Variants in USP54 observed in about 807,000 individuals in gnomAD.
The protein encoded by USP54 is ubiquitin specific peptidase 54, also known as ubiquitin carboxyl-terminal hydrolase 54.
In USP54, 87 loss-of-function variants were observed where a neutral mutation model predicts 170.5. The observed-to-expected ratio is 0.51, with a 90% CI of 0.43 to 0.61. The LOEUF (loss-of-function observed/expected upper bound fraction) is 0.61. Ranked by LOEUF, USP54 falls within the 20% of genes least tolerant of loss-of-function variation. The probability of loss-of-function intolerance (pLI) is 0.00; values close to 1 mark genes in which losing one functional copy is unlikely to be tolerated. For synonymous variants in USP54, 655 were observed against 742.8 expected, an observed-to-expected ratio of 0.88 and a Z score of 1.92; for missense variants, 1,786 against 2,047.8, an observed-to-expected ratio of 0.87 and a Z score of 2.47.
In USP54 at chr10:73,603,929, C is replaced by T. The variant is rs143310936; in HGVS notation, c.-18+21638G>A. Among the ~76,000 whole-genome samples, 39 of 151,940 alleles carry T rather than the reference C, an allele frequency of 2.6e-4. No homozygotes were observed. In the East Asian group the frequency reaches 7.6e-3, roughly 29 times the overall value. The stretch of plus-strand genomic sequence containing the variant: ...AAATCAAAACCACAGTGAGATATCA[C>T]CTCACACTTATTAGGATGGCTACTA... On this transcript the variant is annotated intron_variant, in intron 1 of 22. Coordinates refer to the USP54 transcript ENST00000339859.
At chr10:73,553,297 C>T (rs2070051326) in intron 4 of USP54, 1 of 152,276 alleles carries the variant, frequency 6.6e-6, no homozygotes, top group African/African-American at 2.4e-5. Context: ...CTTCTTTATT[C>T]TCTTATTTTA....
rs534611756 is a variant in USP54 at position 73,536,114 on chromosome 10, T to C, written c.1144+155A>G. The stretch of plus-strand genomic sequence containing the variant: ...GAAGGAAATAAAGGCTGGCCCAAGT[T>C]AGGCTTCAGCACAAATTGGCACTTC... On this transcript the variant is annotated intron_variant, in intron 11 of 23. Coordinates refer to ENST00000687698, the MANE Select transcript of USP54 (RefSeq NM_001391956.1). The C allele has an allele frequency of 5.8e-6, 6 of 1,030,454 alleles. No homozygotes were observed. The African/African-American group carries it at 9.5e-5, about 16-fold the overall frequency. The allele number at this position is 1,030,454 out of a possible 1,614,324, so 63.8% of individuals were successfully genotyped here.
At chr10:73,584,185 C>T (rs1017969790) in intron 1 of USP54, among the ~76,000 whole-genome samples, 2 of 152,106 alleles carry the variant, frequency 1.3e-5, no homozygotes, top group Admixed American at 1.3e-4. Flanking sequence ...GTCAGGAGCT[C>T]GAGACCAGTC....
intron 12 of USP54, among the ~76,000 whole-genome samples, chr10:73,531,575 C>A (rs2063972392): frequency 1.3e-5 from 2 of 152,172 alleles, no homozygotes; most frequent in South Asian, 4.1e-4. Context: ...CTGGTATTAT[C>A]CTGGATACTC....
At chr10:73,509,439 C>A (rs113069685) in intron 20 of USP54, among the ~76,000 whole-genome samples, 2,842 of 106,606 alleles carry the variant, frequency 0.027, 90 homozygotes, top group African/African-American at 0.077. Flanking sequence ...CTGTCTCTAC[C>A]AAAAAAAAAA....
intron 1 of USP54, among the ~76,000 whole-genome samples, chr10:73,609,842 CAAAA>C (rs879852354): frequency 1.6e-5 from 1 of 63,844 alleles, no homozygotes. Context: ...GATTCCGTCA[CAAAA>C]AAAAAAAAAA....
Position 73,536,192 on chromosome 10 carries a change from C to T in USP54, c.1144+77G>A, listed in dbSNP as rs758326382. 1.3e-5 allele frequency: 20 copies of T among 1,557,786 alleles called. No individual in the cohort carries two copies. In the East Asian group the frequency reaches 4.0e-4, roughly 31 times the overall value. ...TCCAAGCTAGGTTACGAGCTAAGCACATAATTAACTATGAGTCCCAACTGT... is the reference window on the plus strand; with the variant it reads ...TCCAAGCTAGGTTACGAGCTAAGCATATAATTAACTATGAGTCCCAACTGT... On this transcript the variant is annotated intron_variant, in intron 11 of 23. Transcript: ENST00000687698.
chr10:73,542,678 C>T (rs981036596), intron 7 of USP54, 125 bp downstream of exon 7: 32 of 908,788 alleles, frequency 3.5e-5, no homozygotes, highest in Admixed American at 3.1e-4. Flanking sequence ...TTGCAGTAAG[C>T]CGAGATTGTG....
chr10:73,514,443 T>C (rs1438938776), intron 20 of USP54, among the ~76,000 whole-genome samples: 1 of 151,548 alleles, frequency 6.6e-6, no homozygotes, highest in Non-Finnish European at 1.5e-5. Flanking sequence ...ACACCTGTAA[T>C]CCCAGCTACT....
chr10:73,555,561 T>C (rs1451357766), intron 4 of USP54, among the ~76,000 whole-genome samples: 1 of 152,146 alleles, frequency 6.6e-6, no homozygotes, highest in African/African-American at 2.4e-5. Flanking sequence ...GAGACAGAGA[T>C]GGGCCAAATT....
chr10:73,596,489 G>A (rs2078742150), intron 1 of USP54, among the ~76,000 whole-genome samples: 1 of 151,870 alleles, frequency 6.6e-6, no homozygotes. Flanking sequence ...AACCCGAGAG[G>A]CGGAGCTTGC....
intron 10 of USP54, among the ~76,000 whole-genome samples, chr10:73,539,202 C>T (rs903107767): frequency 6.7e-6 from 1 of 150,310 alleles, no homozygotes; most frequent in East Asian, 1.9e-4. Flanking sequence ...TCACTTGAAC[C>T]CAGGAGGCAG....
At chr10:73,584,356 C>T (rs1331884459) in intron 1 of USP54, among the ~76,000 whole-genome samples, 4 of 152,052 alleles carry the variant, frequency 2.6e-5, no homozygotes, top group Admixed American at 2.0e-4. Context: ...CCACTGCACT[C>T]CAGCCTGGCA....
At chr10:73,578,104 G>GC (rs1307694005) in intron 1 of USP54, among the ~76,000 whole-genome samples, 1 of 152,126 alleles carries the variant, frequency 6.6e-6, no homozygotes, top group East Asian at 1.9e-4. Context: ...GGAGAAAAAC[G>GC]CAGTAGCAGA....
chr10:73,526,828 A>G (rs1658043073), intron 15 of USP54, 48 bp from the exon 16 acceptor site: 1 of 1,597,918 alleles, frequency 6.3e-7, no homozygotes, highest in African/African-American at 1.4e-5. Flanking sequence ...AGCAGGTTAT[A>G]GCAACATTCC....
intron 20 of USP54, chr10:73,506,355 C>T (rs1439949848): frequency 1.3e-5 from 2 of 152,182 alleles, no homozygotes; most frequent in East Asian, 1.9e-4. Flanking sequence ...TAAATGCTTA[C>T]CTCTTTTCAA....
chr10:73,581,333 T>C (rs903030077), intron 1 of USP54, among the ~76,000 whole-genome samples: 3 of 152,242 alleles, frequency 2.0e-5, no homozygotes. Flanking sequence ...TACTAAGTTA[T>C]ATGTCCCACT....
At chr10:73,505,115 G>T in intron 21 of USP54, 125 bp from the exon 22 acceptor site, 2 of 1,391,578 alleles carry the variant, frequency 1.4e-6, no homozygotes, top group Non-Finnish European at 2.0e-6. Flanking sequence ...ACCTGAATTA[G>T]ATGTATTGGT....
intron 1 of USP54, among the ~76,000 whole-genome samples, chr10:73,582,875 A>C (rs565605288): frequency 8.5e-5 from 13 of 152,342 alleles, no homozygotes; most frequent in Middle Eastern, 3.4e-3. Flanking sequence ...TAGTAGTTTC[A>C]CAATGGAGAA....
Sources: gnomAD v4.1 joint callset for allele counts (sites outside exome capture counted in the v4.1 genomes callset) on GRCh38, gnomAD v4.1.1 for gene constraint, MANE v1.5 for transcripts, NCBI Gene and HGNC (gene_info 2026-07-23, HGNC 2026-07-21) for gene names.